The following CLASP1 variants were observed in gnomAD, a reference collection of about 807,000 sequenced individuals.
CLASP1 encodes the protein cytoplasmic linker associated protein 1.
Under a neutral mutation model 192.3 loss-of-function variants are expected in CLASP1, and 38 were observed. The ratio of observed to expected loss-of-function variants is 0.20; its 90% CI spans 0.15 to 0.26. CLASP1 has a LOEUF of 0.26. Ranked by LOEUF, CLASP1 falls within the 10% of genes least tolerant of loss-of-function variation. The probability of loss-of-function intolerance (pLI) is 1.00; values close to 1 mark genes in which losing one functional copy is unlikely to be tolerated. For synonymous variants in CLASP1, 691 were observed against 712.8 expected, an observed-to-expected ratio of 0.97 and a Z score of 0.49; for missense variants, 1,433 against 1,932.5, an observed-to-expected ratio of 0.74 and a Z score of 4.85.
At chr2:121,353,478 C>G (rs1214289943) in intron 37 of CLASP1, among the ~76,000 whole-genome samples, 1 of 152,160 alleles carries the variant, frequency 6.6e-6, no homozygotes, top group African/African-American at 2.4e-5. Flanking sequence ...CTAGCTCCTT[C>G]CTGCCTGTGT....
At chr2:121,511,857 ATAAAAT>A (rs756101969) in intron 7 of CLASP1, among the ~76,000 whole-genome samples, 35 of 152,210 alleles carry the variant, frequency 2.3e-4, no homozygotes, top group Non-Finnish European at 5.0e-4. Context: ...ATGACAAAAA[ATAAAAT>A]TAAAAATAAG....
intron 16 of CLASP1, among the ~76,000 whole-genome samples, chr2:121,449,868 G>T (rs1574965134): frequency 1.3e-5 from 2 of 152,162 alleles, no homozygotes; most frequent in East Asian, 3.8e-4. Flanking sequence ...CCGTAACGTT[G>T]CAGGCTAGTA....
intron 8 of CLASP1, among the ~76,000 whole-genome samples, chr2:121,475,161 G>A (rs72830808): frequency 0.049 from 7,412 of 152,178 alleles, 268 homozygotes; most frequent in Middle Eastern, 0.095. Flanking sequence ...TTCCCATCTC[G>A]ATTGGAAATT....
rs148709498 is a variant in CLASP1 at position 121,405,688 on chromosome 2, T to C, written c.2670-1254A>G. ...TTCCTAGAAATTATTCAATGGGTACTTGGTGAACACTAAGAATCTACAAAG... is the reference window on the plus strand; with the variant it reads ...TTCCTAGAAATTATTCAATGGGTACCTGGTGAACACTAAGAATCTACAAAG... On this transcript the variant is annotated intron_variant, in intron 25 of 39. Coordinates refer to ENST00000263710, the Ensembl canonical transcript of CLASP1. Among the ~76,000 whole-genome samples, 418 of 150,364 alleles carry C rather than the reference T, an allele frequency of 2.8e-3. 3 individuals are homozygous for C. The highest frequency in any genetic ancestry group is 4.2e-3 in the South Asian group (20 of 4,790).
At chr2:121,445,818 G>T (rs1373824699) in intron 19 of CLASP1, among the ~76,000 whole-genome samples, 1 of 152,116 alleles carries the variant, frequency 6.6e-6, no homozygotes, top group South Asian at 2.1e-4. Context: ...GTCTATACCA[G>T]CCATATTCAA....
In CLASP1 at chr2:121,340,966, A is replaced by G. The variant is rs773975704; in HGVS notation, c.4531-19T>C. ...GCTTCATCTGAAAAGAGAAGATGAA[A>G]CTGAATTAGCAGGAAGAAAAGCAAT... On this transcript the variant is annotated intron_variant, in intron 39 of 39. Coordinates refer to ENST00000263710, the Ensembl canonical transcript of CLASP1. The G allele has an allele frequency of 3.2e-5, 49 of 1,523,900 alleles. 1 individual carries two copies. The South Asian group carries it at 5.5e-4, about 17-fold the overall frequency. The allele number at this position is 1,523,900 out of a possible 1,614,324, so 94.4% of individuals were successfully genotyped here.
At chr2:121,423,560 C>A (rs934119419) in intron 22 of CLASP1, among the ~76,000 whole-genome samples, 1 of 152,162 alleles carries the variant, frequency 6.6e-6, no homozygotes, top group African/African-American at 2.4e-5. Context: ...TGCAAACAGA[C>A]ATCCTATAAA....
intron 19 of CLASP1, among the ~76,000 whole-genome samples, chr2:121,437,985 C>T (rs2082590350): frequency 6.6e-6 from 1 of 152,180 alleles, no homozygotes; most frequent in Non-Finnish European, 1.5e-5. Flanking sequence ...GAGTTTATTT[C>T]TTTTAAACAC....
chr2:121,562,535 C>T (rs2059177679), intron 2 of CLASP1, among the ~76,000 whole-genome samples: 1 of 152,204 alleles, frequency 6.6e-6, no homozygotes, highest in Non-Finnish European at 1.5e-5. Context: ...ACTGAGAGTC[C>T]TATGACTCCC....
At chr2:121,595,096 C>T (rs1265611564) in intron 2 of CLASP1, among the ~76,000 whole-genome samples, 1 of 152,170 alleles carries the variant, frequency 6.6e-6, no homozygotes, top group Non-Finnish European at 1.5e-5. Flanking sequence ...TACGTCCTTA[C>T]ACCCTTTTCT....
intron 2 of CLASP1, among the ~76,000 whole-genome samples, chr2:121,531,259 T>C (rs969719686): frequency 8.5e-5 from 13 of 152,144 alleles, no homozygotes; most frequent in Non-Finnish European, 1.8e-4. Flanking sequence ...AGGTCAAGTT[T>C]CAATAGGAGA....
chr2:121,633,028 A>ATATATATATATATATATAT (rs71398039), intron 1 of CLASP1, among the ~76,000 whole-genome samples: 11 of 137,536 alleles, frequency 8.0e-5, no homozygotes, highest in African/African-American at 2.6e-4. Context: ...ATATATATAT[A>ATATATATATATATATATAT]GGCTTTTTTT....
At chr2:121,414,685 G>A (rs956499222) in intron 23 of CLASP1, among the ~76,000 whole-genome samples, 2 of 152,106 alleles carry the variant, frequency 1.3e-5, no homozygotes, top group African/African-American at 2.4e-5. Flanking sequence ...TTACTTCAAC[G>A]GAAATAAAAT....
At chr2:121,527,473 T>C (rs1262166241) in intron 5 of CLASP1, among the ~76,000 whole-genome samples, 1 of 152,150 alleles carries the variant, frequency 6.6e-6, no homozygotes, top group African/African-American at 2.4e-5. Context: ...AATACATTCA[T>C]GGTTGCCAGG....
At chr2:121,510,632 T>C (rs2094102769) in intron 7 of CLASP1, among the ~76,000 whole-genome samples, 1 of 150,576 alleles carries the variant, frequency 6.6e-6, no homozygotes, top group Non-Finnish European at 1.5e-5. Context: ...ACCCCACCTG[T>C]ACAAAAAATA....
intron 19 of CLASP1, among the ~76,000 whole-genome samples, chr2:121,444,373 C>T (rs1293147850): frequency 2.0e-5 from 3 of 151,884 alleles, no homozygotes; most frequent in Non-Finnish European, 2.9e-5. Context: ...GGTGTGTGTC[C>T]GTGAGACAAA....
At chr2:121,526,902 G>A (rs1273939165) in intron 5 of CLASP1, among the ~76,000 whole-genome samples, 1 of 152,022 alleles carries the variant, frequency 6.6e-6, no homozygotes, top group Admixed American at 6.6e-5. Flanking sequence ...ACCATCAACA[G>A]CCATTAGATA....
chr2:121,427,510 A>G (rs767335380), intron 20 of CLASP1, 80 bp from the exon 21 acceptor site: 4 of 1,436,088 alleles, frequency 2.8e-6, no homozygotes, highest in Non-Finnish European at 3.9e-6. Flanking sequence ...TCAGCATGCA[A>G]CACAACACAA....
At chr2:121,401,380 G>C (rs1313538278) in intron 28 of CLASP1, 129 bp downstream of exon 29, 6 of 656,266 alleles carry the variant, frequency 9.1e-6, no homozygotes, top group Non-Finnish European at 1.3e-5. Flanking sequence ...GTCAACAACA[G>C]AAAGTGAGAA....
Sources: allele counts gnomAD v4.1 joint callset (sites outside exome capture counted in the v4.1 genomes callset), GRCh38; gene constraint gnomAD v4.1.1; transcripts MANE v1.5; gene names NCBI Gene and HGNC (gene_info 2026-07-23, HGNC 2026-07-21).